The following NLN variants were observed in gnomAD, a reference collection of about 807,000 sequenced individuals.
The protein encoded by NLN is neurolysin, mitochondrial.
NLN carries 64 observed loss-of-function variants against 79.9 expected under a neutral mutation model. The ratio of observed to expected loss-of-function variants is 0.80; its 90% confidence interval spans 0.65 to 0.99. The LOEUF is 0.99. NLN is among the 50% of genes least tolerant of loss of function. NLN has a pLI of 0.00. For missense variants in NLN, 835 were observed against 858.7 expected (o/e 0.97, Z 0.34); for synonymous variants, 267 against 296.6 (o/e 0.90, Z 1.02).
At chr5:65,729,381 T>TC (rs1336940678) in intron 1 of NLN, among the ~76,000 whole-genome samples, 1 of 146,654 alleles carries the variant, frequency 6.8e-6, no homozygotes, top group African/African-American at 2.5e-5. Flanking sequence ...TTTTTTTTTT[T>TC]TTTTTTTTTT....
intron 1 of NLN, among the ~76,000 whole-genome samples, chr5:65,737,186 A>G (rs1758746158): frequency 6.6e-6 from 1 of 152,114 alleles, no homozygotes; most frequent in South Asian, 2.1e-4. Flanking sequence ...ACTGAGCTAA[A>G]CTCTAAGAAT....
chr5:65,817,858 GA>G (rs1366808806), intron 12 of NLN, among the ~76,000 whole-genome samples: 5 of 152,182 alleles, frequency 3.3e-5, no homozygotes, highest in Non-Finnish European at 1.5e-5. Flanking sequence ...CCCAGTGCTT[GA>G]AACAGAATCT....
chr5:65,746,778 G>T (rs1388454928), intron 1 of NLN, among the ~76,000 whole-genome samples: 1 of 152,178 alleles, frequency 6.6e-6, no homozygotes, highest in Non-Finnish European at 1.5e-5. Flanking sequence ...GCCGAGGCAG[G>T]CGGATCACAA....
At chr5:65,809,132 A>G (rs545321606) in intron 9 of NLN, 28 of 161,878 alleles carry the variant, frequency 1.7e-4, no homozygotes, top group African/African-American at 6.5e-4. Flanking sequence ...AGGAGGAGCT[A>G]GGGAGAAATT....
At chr5:65,808,498 A>G (rs1229176636) in intron 9 of NLN, among the ~76,000 whole-genome samples, 1 of 152,166 alleles carries the variant, frequency 6.6e-6, no homozygotes, top group Non-Finnish European at 1.5e-5. Context: ...AGTAGGATAA[A>G]TGCTGTCTTC....
At chr5:65,765,527 A>G (rs1189364363) in intron 3 of NLN, among the ~76,000 whole-genome samples, 2 of 152,024 alleles carry the variant, frequency 1.3e-5, no homozygotes, top group Non-Finnish European at 2.9e-5. Flanking sequence ...TCAAAAAAAT[A>G]AAAAATAAAT....
At chr5:65,791,378 G>C (rs2707780) in intron 8 of NLN, among the ~76,000 whole-genome samples, 86,345 of 152,026 alleles carry the variant, frequency 0.57, 24,731 homozygotes, top group African/African-American at 0.59. Context: ...GCCAACGTGG[G>C]AAAACCCCAT....
At position 65,758,138 on chromosome 5, in the gene NLN, G is replaced by C. The variant is rs191791467; in HGVS notation, c.42-429G>C. Among the ~76,000 whole-genome samples, 26 of 152,086 alleles carry C rather than the reference G, an allele frequency of 1.7e-4. No homozygotes were observed. In the East Asian group the frequency reaches 3.7e-3, roughly 21 times the overall value. On this transcript the variant is annotated intron_variant, in intron 1 of 12. Transcript: ENST00000380985. ...GTAGTTTCAGCTACTTGGGAGGTTGGGGTGGGAGAAACACTTGAGTCCATG... is the reference window on the plus strand; with the variant it reads ...GTAGTTTCAGCTACTTGGGAGGTTGCGGTGGGAGAAACACTTGAGTCCATG...
intron 9 of NLN, among the ~76,000 whole-genome samples, chr5:65,798,603 C>T (rs553227400): frequency 6.6e-6 from 1 of 152,284 alleles, no homozygotes; most frequent in East Asian, 1.9e-4. Flanking sequence ...GTCTCCCTAG[C>T]CCCAACTCCT....
chr5:65,811,052 AT>A (rs777420046), intron 11 of NLN, among the ~76,000 whole-genome samples: 61 of 152,334 alleles, frequency 4.0e-4, no homozygotes, highest in Non-Finnish European at 5.9e-4. Flanking sequence ...CAGTTAAAGC[AT>A]TTGACTAGCA....
intron 1 of NLN, 87 bp downstream of exon 1, chr5:65,722,501 C>A: frequency 1.7e-6 from 2 of 1,212,070 alleles, no homozygotes; most frequent in East Asian, 2.8e-5. Context: ...CCACCCCTTC[C>A]CGACCGCGCC....
At chr5:65,796,066 C>T (rs1218612899) in intron 9 of NLN, among the ~76,000 whole-genome samples, 1 of 152,108 alleles carries the variant, frequency 6.6e-6, no homozygotes, top group Non-Finnish European at 1.5e-5. Flanking sequence ...CTCACAGACC[C>T]CTCGAAGCCC....
chr5:65,800,280 T>C (rs1760255218), intron 9 of NLN, among the ~76,000 whole-genome samples: 1 of 152,226 alleles, frequency 6.6e-6, no homozygotes, highest in Non-Finnish European at 1.5e-5. Context: ...CCTGTTCTTA[T>C]TGCACTGTAG....
intron 1 of NLN, among the ~76,000 whole-genome samples, chr5:65,758,330 C>T (rs1033942568): frequency 1.3e-5 from 2 of 152,124 alleles, no homozygotes; most frequent in Admixed American, 6.6e-5. Flanking sequence ...GATTTAATTA[C>T]ACAAACAATT....
Position 65,722,373 on chromosome 5 carries a change from C to G in NLN, c.-1C>G. ...GCCGCCGCCAGCCTCTCAGCGCTCC[C>G]ATGATCGCCCGGTGCCTTTTGGCTG... On this transcript the variant is annotated 5_prime_UTR_variant, in exon 1 of 13. Transcript: ENST00000380985. 1 of 1,582,562 alleles carries G rather than the reference C, an allele frequency of 6.3e-7. No homozygotes were observed. Among genetic ancestry groups the G allele is most frequent in the Non-Finnish European group, 8.6e-7 (1 of 1,166,770 alleles).
intron 1 of NLN, among the ~76,000 whole-genome samples, chr5:65,723,642 G>C (rs974097395): frequency 6.6e-6 from 1 of 151,442 alleles, no homozygotes; most frequent in African/African-American, 2.4e-5. Flanking sequence ...GTGAAACCCC[G>C]TCTCTACTAA....
In NLN at chr5:65,769,546, A is replaced by T. The variant is rs950500938; in HGVS notation, c.450+6438A>T. Among the ~76,000 whole-genome samples the T allele has an allele frequency of 1.2e-4, 18 of 152,294 alleles. No individual in the cohort carries two copies. The East Asian group carries it at 1.3e-3, about 11-fold the overall frequency. On this transcript the variant is annotated intron_variant, in intron 3 of 12. Coordinates refer to ENST00000380985, the MANE Select transcript of NLN (RefSeq NM_020726.5). ...TACACCTACCATATACCCACAAAAA[A>T]TTTTTTTAAAACCTTCAAAACAAAT...
chr5:65,738,386 C>G (rs1294268034), intron 1 of NLN, among the ~76,000 whole-genome samples: 1 of 151,910 alleles, frequency 6.6e-6, no homozygotes, highest in South Asian at 2.1e-4. Flanking sequence ...GAGTTCAAGA[C>G]TAGCCTGAGT....
In NLN at chr5:65,733,161, G is replaced by T. The variant is rs1402944181; in HGVS notation, c.41+10747G>T. On this transcript the variant is annotated intron_variant, in intron 1 of 12. Transcript: ENST00000380985. Reference sequence around the variant, plus strand: ...TGCTTACCTAGCTGATCGGGACATGGAGTGTCTGTCTTAGTAACCAAGCCT... The same window carrying T: ...TGCTTACCTAGCTGATCGGGACATGTAGTGTCTGTCTTAGTAACCAAGCCT... 5.4e-6 allele frequency: 8 copies of T among 1,488,472 alleles called. No individual in the cohort carries two copies. In the Admixed American group the frequency reaches 1.4e-4, roughly 26 times the overall value. The allele number at this position is 1,488,472 out of a possible 1,614,324, so 92.2% of individuals were successfully genotyped here.
Sources: allele counts gnomAD v4.1 joint callset (sites outside exome capture counted in the v4.1 genomes callset), GRCh38; gene constraint gnomAD v4.1.1; transcripts MANE v1.5; gene names NCBI Gene and HGNC (gene_info 2026-07-23, HGNC 2026-07-21).